Variants in NCKAP5 observed in about 807,000 individuals in gnomAD.
NCKAP5 encodes the protein NCK associated protein 5.
NCKAP5 carries 92 observed loss-of-function variants against 167.0 expected under a neutral mutation model. The ratio of observed to expected loss-of-function variants is 0.55; its 90% CI spans 0.47 to 0.66. NCKAP5 has a LOEUF of 0.66. NCKAP5 is among the 30% of genes least tolerant of loss of function. The pLI, the probability that NCKAP5 is intolerant of heterozygous loss-of-function variation, is 0.00. For synonymous variants in NCKAP5, 891 were observed against 877.4 expected (o/e 1.02, Z -0.27); for missense variants, 2,378 against 2,315.0 (o/e 1.03, Z -0.56).
intron 3 of NCKAP5, among the ~76,000 whole-genome samples, chr2:133,465,489 A>G (rs1230490995): frequency 1.3e-5 from 2 of 152,072 alleles, no homozygotes; most frequent in Non-Finnish European, 2.9e-5. Flanking sequence ...GTGTCTTTAT[A>G]GCAGCATGAT....
intron 4 of NCKAP5, among the ~76,000 whole-genome samples, chr2:133,238,696 T>C (rs1209598664): frequency 2.0e-5 from 3 of 152,220 alleles, no homozygotes; most frequent in Non-Finnish European, 4.4e-5. Flanking sequence ...GGCTCAGCAG[T>C]AGCTTCTAGC....
intron 9 of NCKAP5, 93 bp from the exon 10 acceptor site, chr2:132,869,067 T>C: frequency 1.3e-6 from 1 of 792,826 alleles, no homozygotes; most frequent in Non-Finnish European, 1.9e-6. Context: ...CAGCTTATTG[T>C]AGCTAATTAG....
chr2:132,881,364 G>A (rs1691734509), intron 8 of NCKAP5, among the ~76,000 whole-genome samples: 1 of 151,748 alleles, frequency 6.6e-6, no homozygotes, highest in South Asian at 2.1e-4. Flanking sequence ...TAGTAGAGAT[G>A]GGGTTTCACC....
chr2:133,651,295 C>T, the NCKAP5 span, among the ~76,000 whole-genome samples: 10 of 152,134 alleles, frequency 6.6e-5, no homozygotes, highest in African/African-American at 2.4e-4. Flanking sequence ...TCCTGCTATT[C>T]AAGAGTAAAA....
chr2:133,230,867 T>C (rs2087115201), intron 4 of NCKAP5, among the ~76,000 whole-genome samples: 1 of 152,202 alleles, frequency 6.6e-6, no homozygotes, highest in Admixed American at 6.5e-5. Context: ...GAAATCACTG[T>C]GACAAGTTTG....
chr2:133,090,972 A>G (rs577096158), intron 6 of NCKAP5, among the ~76,000 whole-genome samples: 1 of 151,832 alleles, frequency 6.6e-6, no homozygotes, highest in Non-Finnish European at 1.5e-5. Flanking sequence ...AGGTGACTGG[A>G]TCATGGAGGT....
intron 8 of NCKAP5, among the ~76,000 whole-genome samples, chr2:132,938,835 A>G (rs1318900689): frequency 6.6e-6 from 1 of 152,174 alleles, no homozygotes. Flanking sequence ...TCTGTGAGGC[A>G]AAGTCAAAAC....
At chr2:132,674,149 C>T (rs533672131) in intron 19 of NCKAP5, among the ~76,000 whole-genome samples, 2 of 152,300 alleles carry the variant, frequency 1.3e-5, no homozygotes, top group East Asian at 3.9e-4. Flanking sequence ...CAATATTTCT[C>T]ATCTTCTTTT....
the NCKAP5 span, among the ~76,000 whole-genome samples, chr2:133,608,046 T>C: frequency 1.3e-5 from 2 of 152,256 alleles, no homozygotes; most frequent in Non-Finnish European, 2.9e-5. Context: ...TAAAAACCTA[T>C]GTATTCAACA....
chr2:133,555,034 C>T (rs528207958), intron 2 of NCKAP5, among the ~76,000 whole-genome samples: 129 of 152,150 alleles, frequency 8.5e-4, no homozygotes, highest in African/African-American at 3.0e-3. Flanking sequence ...AACTTTTCCC[C>T]GGGACATCTT....
At chr2:133,080,663 A>G (rs6430390) in intron 6 of NCKAP5, among the ~76,000 whole-genome samples, 45,366 of 152,032 alleles carry the variant, frequency 0.3, 7,203 homozygotes, top group Non-Finnish European at 0.33. Flanking sequence ...TGAAACTAAC[A>G]CTACACCATA....
At position 132,963,881 on chromosome 2, in the gene NCKAP5, A is replaced by G; in HGVS notation, c.430-12T>C. On this transcript the variant is annotated splice_polypyrimidine_tract_variant and intron_variant, in intron 7 of 19. Coordinates refer to ENST00000409261, the MANE Select transcript of NCKAP5 (RefSeq NM_207363.3). ...TCTGACAGCTTTTCCTGAAGCAAGA[A>G]AGAATTACTGTTTTCAATAATCTCC... 2 of 1,613,160 alleles carry G rather than the reference A, an allele frequency of 1.2e-6. No homozygotes were observed. The highest frequency in any genetic ancestry group is 1.7e-6 in the Non-Finnish European group (2 of 1,179,756).
chr2:132,785,578 T>G lies in NCKAP5; in HGVS notation c.1233A>C (p.Arg411=). The G allele has an allele frequency of 1.3e-6, 2 of 1,596,410 alleles. No individual in the cohort carries two copies. Among genetic ancestry groups the G allele is most frequent in the Non-Finnish European group, 1.7e-6 (2 of 1,171,872 alleles). The change falls in exon 14 of 20, where the codon CGA becomes CGC. Residue 411 remains arginine (R), a synonymous_variant. Transcript: ENST00000409261. ...ILEGLRKLQK[R]KVLLEPPSVI... is the part of the protein sequence containing the mutation. The stretch of plus-strand genomic sequence containing the variant: ...CTGATGGGGGTTCAAGTAACACTTT[T>G]CGCTTCTGTAGCTTTCTTAGCCCTT...
At chr2:133,535,505 T>TTG (rs533739780) in intron 2 of NCKAP5, among the ~76,000 whole-genome samples, 128 of 152,206 alleles carry the variant, frequency 8.4e-4, no homozygotes, top group Non-Finnish European at 1.2e-3. Context: ...TTCCATGGTG[T>TTG]TGTGTGTGTG....
At chr2:133,633,164 G>A in the NCKAP5 span, among the ~76,000 whole-genome samples, 2 of 152,164 alleles carry the variant, frequency 1.3e-5, no homozygotes, top group African/African-American at 4.8e-5. Flanking sequence ...TTCAGACAGG[G>A]GAAGTAATGT....
chr2:132,854,384 G>A (rs927516538), intron 11 of NCKAP5, among the ~76,000 whole-genome samples: 10 of 152,246 alleles, frequency 6.6e-5, no homozygotes, highest in Non-Finnish European at 1.5e-4. Flanking sequence ...AATGCTGCCA[G>A]GACTTAGTGA....
At chr2:132,927,554 T>C (rs1012514071) in intron 8 of NCKAP5, among the ~76,000 whole-genome samples, 1 of 152,184 alleles carries the variant, frequency 6.6e-6, no homozygotes, top group East Asian at 1.9e-4. Flanking sequence ...CACTGTTTTG[T>C]AATTTTCCTC....
At chr2:133,045,755 T>C (rs377465482) in intron 6 of NCKAP5, among the ~76,000 whole-genome samples, 18 of 152,236 alleles carry the variant, frequency 1.2e-4, no homozygotes, top group African/African-American at 3.9e-4. Context: ...ATAAAAGTTA[T>C]GTGACTGTAG....
intron 7 of NCKAP5, among the ~76,000 whole-genome samples, chr2:132,967,026 T>G (rs2076689864): frequency 6.6e-6 from 1 of 152,170 alleles, no homozygotes; most frequent in Non-Finnish European, 1.5e-5. Flanking sequence ...TGACTAATTT[T>G]TCACCATTCC....
Sources: allele counts gnomAD v4.1 joint callset (sites outside exome capture counted in the v4.1 genomes callset), GRCh38; gene constraint gnomAD v4.1.1; transcripts MANE v1.5; gene names NCBI Gene and HGNC (gene_info 2026-07-23, HGNC 2026-07-21).